The following AFF4 variants were observed in gnomAD, a reference collection of about 807,000 sequenced individuals.
The protein encoded by AFF4 is AF4/FMR2 family member 4.
AFF4 carries 13 observed loss-of-function variants against 124.8 expected under a neutral mutation model. That is an observed-to-expected ratio of 0.10 (90% CI 0.07 to 0.17). The LOEUF is 0.17. AFF4 is among the 10% of genes least tolerant of loss of function. The probability of loss-of-function intolerance (pLI) is 1.00; values close to 1 mark genes in which losing one functional copy is unlikely to be tolerated. For missense variants in AFF4, 1,092 were observed against 1,403.8 expected (o/e 0.78, Z 3.55); for synonymous variants, 477 against 496.1 (o/e 0.96, Z 0.51).
chr5:132,896,833 G>A lies in AFF4; in HGVS notation c.1797C>T (p.Ser599=). 1 of 1,614,014 alleles carries A rather than the reference G, an allele frequency of 6.2e-7. No individual in the cohort carries two copies. Among genetic ancestry groups the A allele is most frequent in the Non-Finnish European group, 8.5e-7 (1 of 1,179,998 alleles). ...PVDLASSMPS[S]RHKAATKGSR... ...AGCCTTTGGTGGCTGCTTTGTGTCT[G>A]CTGGAGGGCATGCTGCTAGCCAAGT... Residue 599 remains serine (S), a synonymous_variant, in exon 11 of 21, where the codon AGC becomes AGT. Coordinates refer to ENST00000265343, the MANE Select transcript of AFF4 (RefSeq NM_014423.4).
chr5:132,890,020 T>G (rs1395526550), intron 13 of AFF4, among the ~76,000 whole-genome samples: 1 of 152,014 alleles, frequency 6.6e-6, no homozygotes, highest in Non-Finnish European at 1.5e-5. Flanking sequence ...AGCCCTATCT[T>G]TAATAAAACG....
At position 132,932,242 on chromosome 5, in the gene AFF4, C is replaced by T; in HGVS notation, c.919-20G>A. On this transcript the variant is annotated intron_variant, in intron 3 of 20. Transcript: ENST00000265343. ...TGATGCCTTGAAAGAAAAAGCAGCA[C>T]ACATTAGATTTTTATCAGTAGATTT... 1 of 1,599,264 alleles carries T rather than the reference C, an allele frequency of 6.3e-7. No individual in the cohort carries two copies. The highest frequency in any genetic ancestry group is 1.3e-5 in the African/African-American group (1 of 74,384).
intron 1 of AFF4, among the ~76,000 whole-genome samples, chr5:132,958,252 TA>T (rs1762004686): frequency 6.6e-6 from 1 of 151,516 alleles, no homozygotes; most frequent in Non-Finnish European, 1.5e-5. Context: ...AACAAATAAT[TA>T]AAAGAGGTAC....
chr5:132,954,636 C>T (rs1046407205), intron 1 of AFF4, among the ~76,000 whole-genome samples: 9 of 149,750 alleles, frequency 6.0e-5, no homozygotes, highest in Non-Finnish European at 1.0e-4. Flanking sequence ...CAAGCTCCGC[C>T]TCCCGGGTTC....
Position 132,878,173 on chromosome 5 carries a change from A to C in AFF4, c.*2886T>G, listed in dbSNP as rs1380673514. 4.4e-6 allele frequency: 1 copy of C among 227,606 alleles called. No homozygotes were observed. The highest frequency in any genetic ancestry group is 8.7e-6 in the Non-Finnish European group (1 of 114,560). 14.1% of individuals were successfully genotyped at this position (227,606 alleles called of 1,614,324 possible). ...GACTGGAGCCTGGGCTGAGCTGTGG[A>C]AACTCCCCTGAAGGGGAATGCTTCC... On this transcript the variant is annotated 3_prime_UTR_variant, in exon 21 of 21. Coordinates refer to ENST00000265343, the MANE Select transcript of AFF4 (RefSeq NM_014423.4).
chr5:132,959,953 A>C (rs1484410111), intron 1 of AFF4, among the ~76,000 whole-genome samples: 1 of 151,454 alleles, frequency 6.6e-6, no homozygotes, highest in East Asian at 1.9e-4. Context: ...CTTTTAGTAG[A>C]GACGTGTTAG....
chr5:132,948,970 G>A (rs1310581734), intron 1 of AFF4, among the ~76,000 whole-genome samples: 1 of 151,888 alleles, frequency 6.6e-6, no homozygotes, highest in African/African-American at 2.4e-5. Context: ...CAATGTTTAT[G>A]GACTCTTCCA....
chr5:132,925,301 A>G (rs1235155766), intron 5 of AFF4, among the ~76,000 whole-genome samples: 1 of 152,082 alleles, frequency 6.6e-6, no homozygotes, highest in East Asian at 1.9e-4. Context: ...TCTACCTGAC[A>G]TCATTCACAA....
chr5:132,922,455 T>C (rs1347342115), intron 5 of AFF4, among the ~76,000 whole-genome samples: 1 of 152,058 alleles, frequency 6.6e-6, no homozygotes, highest in Non-Finnish European at 1.5e-5. Flanking sequence ...CAAAGATTTA[T>C]ACACAAATAT....
intron 20 of AFF4, among the ~76,000 whole-genome samples, chr5:132,882,053 AAGT>A (rs1405151075): frequency 2.0e-5 from 3 of 151,976 alleles, no homozygotes; most frequent in Non-Finnish European, 1.5e-5. Context: ...TCTCTACAAA[AAGT>A]AGAAAAATTA....
intron 3 of AFF4, among the ~76,000 whole-genome samples, chr5:132,933,010 T>A (rs1003219184): frequency 2.0e-4 from 31 of 152,354 alleles, no homozygotes; most frequent in African/African-American, 7.0e-4. Context: ...ATTACGCAGA[T>A]TCTTCCTTCC....
rs575484904 is a variant in AFF4 at position 132,876,826 on chromosome 5, G to T, written c.*4233C>A. 8 of 198,832 alleles carry T rather than the reference G, an allele frequency of 4.0e-5. No individual in the cohort carries two copies. The South Asian group carries it at 1.5e-3, about 38-fold the overall frequency. 12.3% of individuals were successfully genotyped at this position (198,832 alleles called of 1,614,324 possible). A position where few individuals can be genotyped will look rare whatever the true frequency, so the allele number is the denominator to read the frequency against. On this transcript the variant is annotated 3_prime_UTR_variant, in exon 21 of 21. Coordinates refer to ENST00000265343, the MANE Select transcript of AFF4 (RefSeq NM_014423.4). ...TTACTTTTTGTCACTTGCTAACTTG[G>T]TTTTGGGGTCTAGAGGTCTAAAGTG...
chr5:132,925,178 A>AAAATAAATAAAT (rs59847844), intron 5 of AFF4, among the ~76,000 whole-genome samples: 20 of 151,000 alleles, frequency 1.3e-4, no homozygotes, highest in African/African-American at 4.9e-4. Flanking sequence ...CCATCTCAGA[A>AAAATAAATAAAT]AAATAAATAA....
chr5:132,943,701 C>T, intron 1 of AFF4: 1 of 259,900 alleles, frequency 3.8e-6, no homozygotes, highest in Non-Finnish European at 8.1e-6. Flanking sequence ...ACGTATCTGT[C>T]AAAAATGTTC....
intron 8 of AFF4, 56 bp downstream of exon 8, chr5:132,899,531 A>G: frequency 7.1e-7 from 1 of 1,403,880 alleles, no homozygotes; most frequent in South Asian, 1.5e-5. Context: ...TCATTTTTAT[A>G]AAATACAATG....
chr5:132,952,880 G>T (rs192255963), intron 1 of AFF4, among the ~76,000 whole-genome samples: 4 of 151,730 alleles, frequency 2.6e-5, no homozygotes, highest in African/African-American at 9.7e-5. Context: ...TTTAAGTGAC[G>T]GAGTGAGACT....
At chr5:132,938,866 C>T (rs1220533271) in intron 1 of AFF4, among the ~76,000 whole-genome samples, 1 of 141,426 alleles carries the variant, frequency 7.1e-6, no homozygotes, top group Non-Finnish European at 1.5e-5. Context: ...TGGCGTGAAC[C>T]CGGGAGGCAG....
chr5:132,936,071 T>A (rs1315384147), intron 2 of AFF4, among the ~76,000 whole-genome samples: 1 of 151,720 alleles, frequency 6.6e-6, no homozygotes, highest in South Asian at 2.1e-4. Context: ...ATCGAGACCA[T>A]CCTGGCTAAC....
intron 19 of AFF4, among the ~76,000 whole-genome samples, chr5:132,883,813 T>C (rs557056452): frequency 2.0e-5 from 3 of 152,314 alleles, no homozygotes; most frequent in African/African-American, 7.2e-5. Context: ...ACTGAAGAAG[T>C]CATGTACCTT....
Sources: gnomAD v4.1 joint callset for allele counts (sites outside exome capture counted in the v4.1 genomes callset) on GRCh38, gnomAD v4.1.1 for gene constraint, MANE v1.5 for transcripts, NCBI Gene and HGNC (gene_info 2026-07-23, HGNC 2026-07-21) for gene names.